Variants in TMEM175 observed in about 807,000 individuals in gnomAD.
TMEM175 encodes the protein transmembrane protein 175.
In TMEM175, 36 loss-of-function variants were observed where a neutral mutation model predicts 36.5. The observed-to-expected ratio is 0.99, with a 90% CI of 0.76 to 1.30. The LOEUF (loss-of-function observed/expected upper bound fraction) is 1.30, where lower values mean the gene tolerates loss of function less well. TMEM175 is among the 50% of genes most tolerant of loss of function. The probability of loss-of-function intolerance (pLI) is 0.00; values close to 1 mark genes in which losing one functional copy is unlikely to be tolerated. For synonymous variants in TMEM175, 339 were observed against 313.4 expected (o/e 1.08, Z -0.86); for missense variants, 705 against 692.8 (o/e 1.02, Z -0.20).
chr4:939,753 A>G (rs1387752581), intron 1 of TMEM175, among the ~76,000 whole-genome samples: 9 of 152,190 alleles, frequency 5.9e-5, no homozygotes, highest in Admixed American at 4.6e-4. Flanking sequence ...CTTACCTAGC[A>G]TTATGTATAA....
intron 10 of TMEM175, 61 bp downstream of exon 10, chr4:955,951 C>T (rs1729567866): frequency 4.4e-5 from 69 of 1,579,702 alleles, no homozygotes; most frequent in South Asian, 3.3e-4. Flanking sequence ...GAGTCCCTGG[C>T]GTCTCATCCT....
intron 10 of TMEM175, chr4:956,500 T>C: frequency 8.0e-7 from 1 of 1,257,698 alleles, no homozygotes; most frequent in Middle Eastern, 2.5e-4. Flanking sequence ...TGGAGTATAG[T>C]GGCTCAAGCT....
chr4:958,359 C>T lies in TMEM175; in HGVS notation c.1378C>T (p.Leu460=), dbSNP rs1351701224. 6.2e-7 allele frequency: 1 copy of T among 1,603,670 alleles called. No homozygotes were observed. The highest frequency in any genetic ancestry group is 1.3e-5 in the African/African-American group (1 of 75,058). Residue 460 remains leucine, a synonymous_variant, in exon 11 of 11, where the codon CTG becomes TTG. Coordinates refer to ENST00000264771, the MANE Select transcript of TMEM175 (RefSeq NM_032326.4). ...GCAGATCGCCGTGCCCTGCGCCTTC[C>T]TGTTGCTGCGCCTGCTCGTGGGCCT... ...LMQIAVPCAF[L]LLRLLVGLAL...
Position 948,757 on chromosome 4 carries a change from G to A in TMEM175, c.192+603G>A, listed in dbSNP as rs1363582347. On this transcript the variant is annotated intron_variant, in intron 3 of 10. Transcript: ENST00000264771. ...GGCTCTGTGTCCTCATGACAGGGTCGTGCGGCCCAAGCTTCATGGGTGCGC... is the reference window on the plus strand; with the variant it reads ...GGCTCTGTGTCCTCATGACAGGGTCATGCGGCCCAAGCTTCATGGGTGCGC... 7.1e-6 allele frequency: 7 copies of A among 989,400 alleles called. No homozygotes were observed. The Admixed American group carries it at 1.5e-4, about 21-fold the overall frequency. The allele number at this position is 989,400 out of a possible 1,614,324, so 61.3% of individuals were successfully genotyped here. A position where few individuals can be genotyped will look rare whatever the true frequency, so the allele number is the denominator to read the frequency against.
intron 1 of TMEM175, among the ~76,000 whole-genome samples, chr4:937,869 G>T (rs1394129234): frequency 6.6e-6 from 1 of 152,142 alleles, no homozygotes; most frequent in Non-Finnish European, 1.5e-5. Context: ...TCTCAAGAGG[G>T]CAAAGTTGGC....
chr4:944,137 A>G (rs1004952490), intron 1 of TMEM175, among the ~76,000 whole-genome samples: 4 of 152,194 alleles, frequency 2.6e-5, no homozygotes, highest in Non-Finnish European at 5.9e-5. Context: ...TACTAAAAAT[A>G]CAAAAATTAG....
At chr4:933,594 A>G (rs539247121) in intron 1 of TMEM175, among the ~76,000 whole-genome samples, 106 of 152,306 alleles carry the variant, frequency 7.0e-4, no homozygotes, top group African/African-American at 2.5e-3. Flanking sequence ...TGTGTTACCA[A>G]TTACCTAGAG....
intron 7 of TMEM175, 87 bp from the exon 8 acceptor site, chr4:953,103 G>A: frequency 7.1e-7 from 1 of 1,404,232 alleles, no homozygotes; most frequent in Non-Finnish European, 9.6e-7. Context: ...ACCCTTGCGT[G>A]CGTGTGCCAT....
At chr4:952,615 C>G (rs116144413) in intron 7 of TMEM175, among the ~76,000 whole-genome samples, 165 bp downstream of exon 7, 4,584 of 116,074 alleles carry the variant, frequency 0.039, 193 homozygotes, top group East Asian at 0.21. Context: ...CTCTTGGGGC[C>G]TGGGGTCCTG....
At chr4:951,808 AGGG>A in intron 6 of TMEM175, 91 bp downstream of exon 6, 2 of 1,377,906 alleles carry the variant, frequency 1.5e-6, no homozygotes, top group Non-Finnish European at 2.1e-6. Context: ...TGGATGGCCC[AGGG>A]CCCAGGCCAC....
At chr4:936,651 T>C (rs553241859) in intron 1 of TMEM175, among the ~76,000 whole-genome samples, 1 of 152,272 alleles carries the variant, frequency 6.6e-6, no homozygotes, top group African/African-American at 2.4e-5. Flanking sequence ...CCACTTAAGC[T>C]CATTTAAGAA....
rs73209897 is a variant in TMEM175, at chr4:952,193, T to C, written c.379-174T>C. On this transcript the variant is annotated intron_variant, in intron 6 of 10. Coordinates refer to ENST00000264771, the MANE Select transcript of TMEM175 (RefSeq NM_032326.4). ...AGACATCTGGTGGAGTTGGTTGGGG[T>C]GGGGGCAGTTTGGACACATGCCCCC... Among the ~76,000 whole-genome samples, 523 of 152,212 alleles carry C rather than the reference T, an allele frequency of 3.4e-3. 4 individuals are homozygous for C. The highest frequency in any genetic ancestry group is 5.7e-3 in the Non-Finnish European group (391 of 68,002).
At chr4:947,438 G>A (rs982327968) in intron 1 of TMEM175, among the ~76,000 whole-genome samples, 3 of 152,286 alleles carry the variant, frequency 2.0e-5, no homozygotes, top group East Asian at 1.9e-4. Flanking sequence ...TGTCTCTCCC[G>A]TTTCCTGAGG....
rs1217322338 is a variant in TMEM175 at position 958,448 on chromosome 4, C to G, written c.1467C>G (p.Pro489=). 9 of 1,586,178 alleles carry G rather than the reference C, an allele frequency of 5.7e-6. No individual in the cohort carries two copies. The highest frequency in any genetic ancestry group is 7.7e-6 in the Non-Finnish European group (9 of 1,172,502). The change falls in exon 11 of 11, where the codon CCC becomes CCG. Residue 489 remains proline (P), a synonymous_variant. Coordinates refer to ENST00000264771, the MANE Select transcript of TMEM175 (RefSeq NM_032326.4). ...LARPEHPPPA[P]TGQDDPQSQL... is the part of the protein sequence containing the mutation. ...GGCCCGAACACCCCCCGCCAGCCCC[C>G]ACGGGCCAGGACGACCCACAGTCCC... is the stretch of plus-strand genomic sequence containing the variant.
At position 953,317 on chromosome 4, in the gene TMEM175, T is replaced by C. The variant is rs779748775; in HGVS notation, c.590T>C (p.Phe197Ser). 6.2e-7 allele frequency: 1 copy of C among 1,613,868 alleles called. No individual in the cohort carries two copies. Among genetic ancestry groups the C allele is most frequent in the South Asian group, 1.1e-5 (1 of 91,064 alleles). ...GTCCTCCAAGGCCCGGCCCTGTGCT[T>C]TGCAGCGGCCATCTTCTCTCTCTTC... ...GIVLQGPALC[F>S]AAAIFSLFFV... Residue 197 changes from phenylalanine to serine, a missense_variant, in exon 8 of 11, where the codon TTT becomes TCT. Physicochemically the swap from Phe to Ser is radical, Grantham distance 155 (BLOSUM62 -2). Transcript: ENST00000264771.
chr4:936,342 A>G (rs1056057972), intron 1 of TMEM175, among the ~76,000 whole-genome samples: 2 of 152,022 alleles, frequency 1.3e-5, no homozygotes, highest in East Asian at 1.9e-4. Flanking sequence ...AAGTAAGAGG[A>G]AATGAAACCC....
Position 947,939 on chromosome 4 carries a change from G to C in TMEM175, c.153+47G>C, listed in dbSNP as rs199888201. The C allele has an allele frequency of 1.3e-4, 205 of 1,613,478 alleles. 1 individual carries two copies. The African/African-American group carries it at 2.3e-3, about 18-fold the overall frequency. ...AGGCCTGCCCCACCCCGAGCCTCTCGAGGCACTGCCCAGCCCACCTCAGAC... is the reference window on the plus strand; with the variant it reads ...AGGCCTGCCCCACCCCGAGCCTCTCCAGGCACTGCCCAGCCCACCTCAGAC... On this transcript the variant is annotated intron_variant, in intron 2 of 10. Coordinates refer to ENST00000264771, the MANE Select transcript of TMEM175 (RefSeq NM_032326.4).
intron 10 of TMEM175, chr4:956,797 G>A (rs1017776235): frequency 1.3e-5 from 4 of 304,944 alleles, no homozygotes; most frequent in Non-Finnish European, 2.5e-5. Context: ...GGAGTGTCTT[G>A]TTCCCTCGTC....
intron 1 of TMEM175, among the ~76,000 whole-genome samples, chr4:942,999 A>C (rs898327249): frequency 2.0e-5 from 3 of 152,130 alleles, no homozygotes; most frequent in Non-Finnish European, 4.4e-5. Flanking sequence ...CAAGCCACAG[A>C]CTGCAAGAAA....
Sources: allele counts gnomAD v4.1 joint callset (sites outside exome capture counted in the v4.1 genomes callset), GRCh38; gene constraint gnomAD v4.1.1; transcripts MANE v1.5; gene names NCBI Gene and HGNC (gene_info 2026-07-23, HGNC 2026-07-21).